The following CCDC102B variants were observed in gnomAD, a reference collection of about 807,000 sequenced individuals.
CCDC102B encodes the protein coiled-coil domain containing 102B.
Under a neutral mutation model 57.4 loss-of-function variants are expected in CCDC102B, and 75 were observed. The ratio of observed to expected loss-of-function variants is 1.31; its 90% CI spans 1.08 to 1.58. The LOEUF is 1.58. Among genes scored for constraint, CCDC102B ranks in the 40% most tolerant of loss-of-function variants. The probability of loss-of-function intolerance (pLI) is 0.00; values close to 1 mark genes in which losing one functional copy is unlikely to be tolerated. For synonymous variants in CCDC102B, 206 were observed against 201.9 expected (o/e 1.02, Z -0.17); for missense variants, 636 against 582.6 (o/e 1.09, Z -0.94).
chr18:69,048,380 A>T (rs1050545128), intron 7 of CCDC102B, among the ~76,000 whole-genome samples: 4 of 152,114 alleles, frequency 2.6e-5, no homozygotes, highest in African/African-American at 9.7e-5. Flanking sequence ...TTCTAAAAAT[A>T]AATTTTTAAT....
intron 6 of CCDC102B, among the ~76,000 whole-genome samples, chr18:69,006,646 T>C (rs1273718211): frequency 6.6e-6 from 1 of 151,132 alleles, no homozygotes; most frequent in Non-Finnish European, 1.5e-5. Flanking sequence ...TTTCACCATG[T>C]TGACCAGGCT....
chr18:68,879,889 G>T (rs1003914080), intron 5 of CCDC102B, among the ~76,000 whole-genome samples: 7 of 152,200 alleles, frequency 4.6e-5, no homozygotes, highest in Non-Finnish European at 1.0e-4. Flanking sequence ...TAGACATAAA[G>T]GTTCTCCACG....
intron 2 of CCDC102B, among the ~76,000 whole-genome samples, chr18:68,837,815 T>C (rs535250978): frequency 2.7e-4 from 41 of 152,290 alleles, no homozygotes; most frequent in African/African-American, 9.6e-4. Context: ...GAAAGATATG[T>C]ATATGTATCC....
intron 6 of CCDC102B, among the ~76,000 whole-genome samples, chr18:68,929,325 G>C (rs964273496): frequency 6.6e-6 from 1 of 151,870 alleles, no homozygotes; most frequent in African/African-American, 2.4e-5. Context: ...TTTGATGAAA[G>C]GGATGGAGAG....
At chr18:68,830,704 T>C (rs898294245) in intron 1 of CCDC102B, among the ~76,000 whole-genome samples, 1 of 149,524 alleles carries the variant, frequency 6.7e-6, no homozygotes, top group Non-Finnish European at 1.5e-5. Context: ...TGACATAATC[T>C]CTTTAAGTCT....
intron 6 of CCDC102B, among the ~76,000 whole-genome samples, chr18:68,949,534 C>A (rs901760962): frequency 6.6e-6 from 1 of 152,086 alleles, no homozygotes; most frequent in South Asian, 2.1e-4. Context: ...ATAGAGGAAA[C>A]CATCCCTCAG....
rs1977942 is a variant in CCDC102B at position 68,846,425 on chromosome 18, T to C, written c.936+4T>C. 942,636 of 1,531,978 alleles carry C rather than the reference T, an allele frequency of 0.62. 290,996 individuals carry two copies. The highest frequency in any genetic ancestry group is 0.66 in the African/African-American group (47,141 of 71,576). 94.9% of individuals were successfully genotyped at this position (1,531,978 alleles called of 1,614,324 possible). ...AAAGCCAAAAAATGTGAAAGAGGTA[T>C]GGGGGAATATGATGTAAAGGAAGAA... On this transcript the variant is annotated splice_donor_region_variant and intron_variant, in intron 4 of 7. Transcript: ENST00000360242.
intron 2 of CCDC102B, among the ~76,000 whole-genome samples, chr18:68,750,193 T>A (rs1025590282): frequency 6.6e-6 from 1 of 152,056 alleles, no homozygotes; most frequent in African/African-American, 2.4e-5. Flanking sequence ...GTTCAAAAAA[T>A]GTTCATCATC....
At chr18:68,873,625 G>A (rs774169255) in intron 4 of CCDC102B, among the ~76,000 whole-genome samples, 6 of 152,038 alleles carry the variant, frequency 3.9e-5, no homozygotes, top group Non-Finnish European at 8.8e-5. Flanking sequence ...TAGGATTACT[G>A]TTAGCATTAA....
chr18:68,879,949 C>A (rs1311811790), intron 5 of CCDC102B, among the ~76,000 whole-genome samples: 5 of 152,238 alleles, frequency 3.3e-5, no homozygotes, highest in Non-Finnish European at 5.9e-5. Flanking sequence ...GGATCCCGCA[C>A]CAGGGCTGCA....
intron 1 of CCDC102B, among the ~76,000 whole-genome samples, chr18:68,810,598 G>A (rs1159661277): frequency 6.7e-6 from 1 of 149,270 alleles, no homozygotes; most frequent in East Asian, 2.0e-4. Context: ...TAAACTTAGT[G>A]CTTTTTTTCC....
intron 1 of CCDC102B, among the ~76,000 whole-genome samples, chr18:68,824,148 T>C (rs1006828264): frequency 4.6e-5 from 7 of 152,170 alleles, no homozygotes; most frequent in Admixed American, 4.6e-4. Context: ...TCAAGAAGGG[T>C]ATTTCCTAGG....
At chr18:69,040,937 C>T (rs773619364) in intron 7 of CCDC102B, among the ~76,000 whole-genome samples, 1 of 151,888 alleles carries the variant, frequency 6.6e-6, no homozygotes, top group Non-Finnish European at 1.5e-5. Flanking sequence ...TAGGAAGCTC[C>T]CAGCTGGACT....
chr18:69,053,340 A>G (rs2052754425), intron 7 of CCDC102B, among the ~76,000 whole-genome samples: 1 of 150,730 alleles, frequency 6.6e-6, no homozygotes, highest in Admixed American at 6.7e-5. Context: ...ATATATATAC[A>G]CTTAGCATAT....
intron 1 of CCDC102B, among the ~76,000 whole-genome samples, chr18:68,830,127 G>A (rs992341301): frequency 4.0e-5 from 6 of 151,704 alleles, no homozygotes; most frequent in Admixed American, 6.6e-5. Context: ...TAGCATTTCC[G>A]GAAACAGTTA....
chr18:68,916,866 G>A lies in CCDC102B; in HGVS notation c.1263+19438G>A, dbSNP rs548495178. Among the ~76,000 whole-genome samples, 91 of 152,276 alleles carry A rather than the reference G, an allele frequency of 6.0e-4. 2 individuals carry two copies. In the South Asian group the frequency reaches 0.018, roughly 31 times the overall value. ...CCTGGGTAGGCTGAATCAGGGCAAG[G>A]GGCCTCCCATGGTTTGCAGAGGGCC... is the stretch of plus-strand genomic sequence containing the variant. On this transcript the variant is annotated intron_variant, in intron 6 of 7. Coordinates refer to ENST00000360242, the MANE Select transcript of CCDC102B (RefSeq NM_024781.3).
intron 4 of CCDC102B, among the ~76,000 whole-genome samples, chr18:68,856,897 T>C (rs1257673913): frequency 6.7e-6 from 1 of 149,520 alleles, no homozygotes; most frequent in Admixed American, 6.8e-5. Flanking sequence ...TGTGTATATA[T>C]GCATGAATGC....
At chr18:68,796,355 C>T (rs1599473598), upstream of CCDC102B, among the ~76,000 whole-genome samples, 1 of 152,062 alleles carries the variant, frequency 6.6e-6, no homozygotes, top group Non-Finnish European at 1.5e-5. Context: ...ACTGGGTTGA[C>T]ATTTACATAG....
At chr18:68,998,551 C>T (rs2051098050) in intron 6 of CCDC102B, among the ~76,000 whole-genome samples, 1 of 150,376 alleles carries the variant, frequency 6.6e-6, no homozygotes, top group Non-Finnish European at 1.5e-5. Flanking sequence ...AGGCCGTCTG[C>T]AAGCTGAGGA....
Sources: allele counts gnomAD v4.1 joint callset (sites outside exome capture counted in the v4.1 genomes callset), GRCh38; gene constraint gnomAD v4.1.1; transcripts MANE v1.5; gene names NCBI Gene and HGNC (gene_info 2026-07-23, HGNC 2026-07-21).